The following DCC variants were observed in gnomAD, a reference collection of about 807,000 sequenced individuals.
DCC encodes the protein netrin receptor DCC.
A neutral mutation model predicts 172.5 loss-of-function variants in DCC; 58 were observed. That is an observed-to-expected ratio of 0.34 (90% CI 0.27 to 0.42). The LOEUF (loss-of-function observed/expected upper bound fraction) is 0.42. Among genes scored for constraint, DCC ranks in the 10% least tolerant of loss-of-function variants. DCC has a pLI of 1.00. For synonymous variants in DCC, 709 were observed against 644.5 expected, an observed-to-expected ratio of 1.10 and a Z score of -1.52; for missense variants, 1,740 against 1,791.0, an observed-to-expected ratio of 0.97 and a Z score of 0.51.
At chr18:53,519,714 G>A (rs189773277) in intron 27 of DCC, among the ~76,000 whole-genome samples, 1 of 151,882 alleles carries the variant, frequency 6.6e-6, no homozygotes. Flanking sequence ...TATGAAAAGC[G>A]TTCATGTTTA....
chr18:52,922,351 G>T (rs2040139383), intron 3 of DCC, among the ~76,000 whole-genome samples: 1 of 152,112 alleles, frequency 6.6e-6, no homozygotes, highest in Non-Finnish European at 1.5e-5. Context: ...CCTGTGTGGA[G>T]TTGGGTCAGG....
intron 2 of DCC, among the ~76,000 whole-genome samples, chr18:52,769,055 T>G (rs2037299105): frequency 6.6e-6 from 1 of 152,238 alleles, no homozygotes; most frequent in Non-Finnish European, 1.5e-5. Flanking sequence ...TCTTCAGTTC[T>G]AGGTTATTTC....
intron 9 of DCC, among the ~76,000 whole-genome samples, chr18:53,195,142 A>AG (rs777021702): frequency 3.3e-5 from 5 of 152,206 alleles, no homozygotes; most frequent in Non-Finnish European, 5.9e-5. Flanking sequence ...ATCAAGTAGG[A>AG]GAAGGGGTTT....
At position 52,714,542 on chromosome 18, in the gene DCC, G is replaced by A. The variant is rs149919506; in HGVS notation, c.92-37512G>A. On this transcript the variant is annotated intron_variant, in intron 1 of 28. Coordinates refer to ENST00000442544, the MANE Select transcript of DCC (RefSeq NM_005215.4). ...TGAACTGGGAAGGAACTGCTATATT[G>A]GGAAAAAGAACAACATTATCTGAAG... 2.3e-4 allele frequency among the ~76,000 whole-genome samples: 35 copies of A among 152,250 alleles called. No homozygotes were observed. In the East Asian group the frequency reaches 6.6e-3, roughly 29 times the overall value.
chr18:52,728,858 G>A (rs886763462), intron 1 of DCC, among the ~76,000 whole-genome samples: 1 of 152,176 alleles, frequency 6.6e-6, no homozygotes, highest in East Asian at 1.9e-4. Context: ...ACAAGGATTC[G>A]ACAGCTGTCA....
chr18:52,428,370 C>T (rs1468765971), intron 1 of DCC, among the ~76,000 whole-genome samples: 3 of 152,026 alleles, frequency 2.0e-5, no homozygotes, highest in Non-Finnish European at 4.4e-5. Flanking sequence ...GAAATGTCTG[C>T]CCTTGTGTCA....
chr18:53,222,810 T>A (rs1170385191), intron 12 of DCC, among the ~76,000 whole-genome samples: 1 of 152,204 alleles, frequency 6.6e-6, no homozygotes, highest in Non-Finnish European at 1.5e-5. Flanking sequence ...TTTTACCAAT[T>A]GTTTTTTCTA....
At chr18:52,498,440 A>C (rs1189056638) in intron 1 of DCC, among the ~76,000 whole-genome samples, 1 of 152,220 alleles carries the variant, frequency 6.6e-6, no homozygotes, top group South Asian at 2.1e-4. Flanking sequence ...CCTGGCCAAC[A>C]TGGTGAATAC....
At chr18:52,817,803 A>ATGTGTG (rs1555668566) in intron 2 of DCC, among the ~76,000 whole-genome samples, 26 of 151,540 alleles carry the variant, frequency 1.7e-4, no homozygotes, top group East Asian at 1.4e-3. Flanking sequence ...ATATATATAT[A>ATGTGTG]TGTGTGTGTG....
At position 53,486,808 on chromosome 18, in the gene DCC, G is replaced by A. The variant is rs748112308; in HGVS notation, c.3748G>A (p.Ala1250Thr). The A allele has an allele frequency of 2.6e-5, 42 of 1,613,938 alleles. No homozygotes were observed. The highest frequency in any genetic ancestry group is 3.5e-5 in the Non-Finnish European group (41 of 1,180,028). Residue 1250 changes from alanine to threonine, a missense_variant, in exon 26 of 29, where the codon GCC becomes ACC. Ala to Thr is a moderately conservative substitution (Grantham distance 58, BLOSUM62 0). Coordinates refer to ENST00000442544, the MANE Select transcript of DCC (RefSeq NM_005215.4). ...AQSNNPAVVS[A>T]IPVPTLESAQ... ...TTTTTCTTTTGCAGCTGTCGTGAGC[G>A]CCATCCCGGTGCCAACGCTAGAAAG...
At chr18:52,667,715 CCTGGAGGGGGAAGAG>C (rs1380892199) in intron 1 of DCC, among the ~76,000 whole-genome samples, 1 of 152,176 alleles carries the variant, frequency 6.6e-6, no homozygotes, top group Non-Finnish European at 1.5e-5. Context: ...AACTGCTTCC[CCTGGAGGGGGAAGAG>C]CTGGAGGGTG....
chr18:52,482,411 A>T (rs1348671243), intron 1 of DCC, among the ~76,000 whole-genome samples: 2 of 152,180 alleles, frequency 1.3e-5, no homozygotes, highest in East Asian at 3.9e-4. Flanking sequence ...AGGCTACTAT[A>T]ACAAATTACC....
intron 2 of DCC, among the ~76,000 whole-genome samples, chr18:52,834,909 A>ATACATG (rs2038678946): frequency 6.6e-6 from 1 of 151,154 alleles, no homozygotes; most frequent in Non-Finnish European, 1.5e-5. Context: ...TGCATACACT[A>ATACATG]TATATGTATA....
intron 1 of DCC, among the ~76,000 whole-genome samples, chr18:52,736,580 A>G (rs1471415923): frequency 2.6e-5 from 4 of 152,172 alleles, no homozygotes; most frequent in Admixed American, 1.3e-4. Context: ...AGAACATTTC[A>G]CTTACTTGAT....
intron 1 of DCC, among the ~76,000 whole-genome samples, chr18:52,408,095 A>G (rs1337161968): frequency 6.6e-6 from 1 of 152,218 alleles, no homozygotes; most frequent in African/African-American, 2.4e-5. Flanking sequence ...TTACAGAAAT[A>G]TATTATTCAT....
intron 12 of DCC, among the ~76,000 whole-genome samples, chr18:53,230,563 T>G (rs369327366): frequency 2.0e-5 from 3 of 152,148 alleles, no homozygotes; most frequent in African/African-American, 7.2e-5. Context: ...TGTTTAAAAA[T>G]TAGATACTGA....
chr18:53,079,330 C>T (rs2042766673), intron 7 of DCC, among the ~76,000 whole-genome samples: 1 of 151,934 alleles, frequency 6.6e-6, no homozygotes, highest in African/African-American at 2.4e-5. Context: ...TAATGTGAGG[C>T]TTTGAGCCCA....
chr18:53,525,728 C>T (rs923764623), intron 27 of DCC, among the ~76,000 whole-genome samples: 2 of 152,080 alleles, frequency 1.3e-5, no homozygotes, highest in African/African-American at 4.8e-5. Context: ...AAAATGTCAG[C>T]TCTCGTGATA....
At position 53,493,728 on chromosome 18, in the gene DCC, G is replaced by C. The variant is rs144476071; in HGVS notation, c.3899-5570G>C. Among the ~76,000 whole-genome samples the C allele has an allele frequency of 1.6e-3, 239 of 151,882 alleles. 2 individuals are homozygous for C. The highest frequency in any genetic ancestry group is 5.6e-3 in the African/African-American group (234 of 41,422). ...CAAAAAACCAGCTCCTTGATTCATT[G>C]ATTTTTTGAAGGGTTTTTCCTGTCT... On this transcript the variant is annotated intron_variant, in intron 26 of 28. Coordinates refer to ENST00000442544, the MANE Select transcript of DCC (RefSeq NM_005215.4).
Sources: allele counts gnomAD v4.1 joint callset (sites outside exome capture counted in the v4.1 genomes callset), GRCh38; gene constraint gnomAD v4.1.1; transcripts MANE v1.5; gene names NCBI Gene and HGNC (gene_info 2026-07-23, HGNC 2026-07-21).